The following ARL15 variants were observed in gnomAD, a reference collection of about 807,000 sequenced individuals.
The protein encoded by ARL15 is ARF like GTPase 15, also known as ADP-ribosylation factor-like protein 15.
ARL15 carries 19 observed loss-of-function variants against 25.2 expected under a neutral mutation model. That is an observed-to-expected ratio of 0.75 (90% CI 0.53 to 1.10). The LOEUF is 1.10. ARL15 is among the 50% of genes least tolerant of loss of function. The probability of loss-of-function intolerance (pLI) is 0.00; values close to 1 mark genes in which losing one functional copy is unlikely to be tolerated. For synonymous variants in ARL15, 94 were observed against 86.8 expected (o/e 1.08, Z -0.46); for missense variants, 220 against 246.0 (o/e 0.89, Z 0.71).
chr5:53,988,299 CAAAAAGAA>C (rs1197084198), intron 4 of ARL15, among the ~76,000 whole-genome samples: 11 of 103,584 alleles, frequency 1.1e-4, no homozygotes, highest in East Asian at 3.1e-4. Flanking sequence ...GAGCCTGTCT[CAAAAAGAA>C]AAAAAGAAAA....
At chr5:54,077,007 T>C (rs1215029806) in intron 4 of ARL15, among the ~76,000 whole-genome samples, 1 of 152,214 alleles carries the variant, frequency 6.6e-6, no homozygotes, top group Non-Finnish European at 1.5e-5. Context: ...TCTTCTATGC[T>C]ACGCAGGATG....
intron 1 of ARL15, among the ~76,000 whole-genome samples, chr5:54,233,844 G>T (rs112668671): frequency 4.6e-5 from 7 of 152,198 alleles, no homozygotes; most frequent in African/African-American, 1.7e-4. Flanking sequence ...CAGATTAAAT[G>T]CAGAGGCAAA....
intron 4 of ARL15, among the ~76,000 whole-genome samples, chr5:54,068,734 G>A (rs1751323885): frequency 6.6e-6 from 1 of 152,202 alleles, no homozygotes; most frequent in South Asian, 2.1e-4. Context: ...TCAGGGTCAT[G>A]CCATCTCAAT....
chr5:54,190,408 A>G (rs1411668496), intron 1 of ARL15, among the ~76,000 whole-genome samples: 31 of 151,412 alleles, frequency 2.0e-4, no homozygotes, highest in Admixed American at 2.0e-3. Context: ...AAAAAAAAAA[A>G]TTACAGTGAG....
chr5:54,243,947 A>G (rs1757022209), intron 1 of ARL15, among the ~76,000 whole-genome samples: 1 of 152,224 alleles, frequency 6.6e-6, no homozygotes, highest in Admixed American at 6.5e-5. Flanking sequence ...GTTAGGACTG[A>G]GCAAGTATGG....
chr5:53,932,990 T>C (rs191731079), intron 4 of ARL15, among the ~76,000 whole-genome samples: 91 of 152,336 alleles, frequency 6.0e-4, no homozygotes, highest in African/African-American at 2.0e-3. Flanking sequence ...AGTAATCATA[T>C]AAGCATGAAA....
chr5:53,994,589 A>G (rs1580151305), intron 4 of ARL15, among the ~76,000 whole-genome samples: 1 of 152,196 alleles, frequency 6.6e-6, no homozygotes, highest in East Asian at 1.9e-4. Flanking sequence ...GATAATGTAC[A>G]TTTAACATGA....
chr5:54,197,916 AT>A (rs1273693624), intron 1 of ARL15, among the ~76,000 whole-genome samples: 1 of 152,130 alleles, frequency 6.6e-6, no homozygotes, highest in Non-Finnish European at 1.5e-5. Flanking sequence ...GGCAAACCGA[AT>A]CCAGCAGCAT....
intron 4 of ARL15, among the ~76,000 whole-genome samples, chr5:53,978,042 T>C (rs1343010976): frequency 2.0e-5 from 3 of 152,158 alleles, no homozygotes; most frequent in Non-Finnish European, 4.4e-5. Flanking sequence ...GTGGTTTTAG[T>C]CTCCAGCTAA....
At chr5:54,177,687 T>C (rs1000985774) in intron 1 of ARL15, among the ~76,000 whole-genome samples, 1 of 152,150 alleles carries the variant, frequency 6.6e-6, no homozygotes, top group Non-Finnish European at 1.5e-5. Flanking sequence ...TAATTGTACA[T>C]TTCATTTTCC....
At chr5:53,917,014 G>C (rs1462862061) in intron 4 of ARL15, among the ~76,000 whole-genome samples, 4 of 152,190 alleles carry the variant, frequency 2.6e-5, no homozygotes, top group African/African-American at 9.7e-5. Flanking sequence ...CAATATTCTA[G>C]GGGAAGACAA....
chr5:54,132,382 C>T (rs189749698), intron 3 of ARL15, among the ~76,000 whole-genome samples: 1 of 152,108 alleles, frequency 6.6e-6, no homozygotes, highest in East Asian at 1.9e-4. Flanking sequence ...CAGTCAAAAT[C>T]TCAAGGAAAT....
intron 1 of ARL15, among the ~76,000 whole-genome samples, chr5:54,186,264 G>A (rs982865384): frequency 2.6e-5 from 4 of 152,190 alleles, no homozygotes; most frequent in Non-Finnish European, 5.9e-5. Flanking sequence ...CCAATACGGT[G>A]AGCAAAATGC....
chr5:54,186,832 A>AT (rs1398019097), intron 1 of ARL15, among the ~76,000 whole-genome samples: 3 of 151,860 alleles, frequency 2.0e-5, no homozygotes, highest in Non-Finnish European at 2.9e-5. Flanking sequence ...TTATACATTT[A>AT]ACTAGAGCTT....
Position 53,940,084 on chromosome 5 carries a change from T to C in ARL15, c.463-53371A>G, listed in dbSNP as rs995610766. 2.6e-5 allele frequency among the ~76,000 whole-genome samples: 4 copies of C among 151,796 alleles called. No homozygotes were observed. The South Asian group carries it at 6.2e-4, about 24-fold the overall frequency. The stretch of plus-strand genomic sequence containing the variant: ...AGCTCCGCCTCCCTGGTTCACGCCA[T>C]TCTCCTGCCTCAGCCTCCCGAGTAG... On this transcript the variant is annotated intron_variant, in intron 4 of 4. Transcript: ENST00000504924.
chr5:54,233,848 A>G (rs1756734724), intron 1 of ARL15, among the ~76,000 whole-genome samples: 1 of 152,242 alleles, frequency 6.6e-6, no homozygotes, highest in South Asian at 2.1e-4. Flanking sequence ...TTAAATGCAG[A>G]GGCAAATATG....
At chr5:53,981,376 C>T (rs1307372616) in intron 4 of ARL15, among the ~76,000 whole-genome samples, 1 of 152,096 alleles carries the variant, frequency 6.6e-6, no homozygotes, top group Non-Finnish European at 1.5e-5. Context: ...AGCCAGAAGG[C>T]ACCCTGAGGG....
chr5:54,039,487 A>G (rs1750265605), intron 4 of ARL15, among the ~76,000 whole-genome samples: 1 of 152,170 alleles, frequency 6.6e-6, no homozygotes, highest in Non-Finnish European at 1.5e-5. Context: ...TGACATCAGG[A>G]GAACTGTAAA....
intron 4 of ARL15, among the ~76,000 whole-genome samples, chr5:54,015,634 A>G (rs545315558): frequency 6.6e-6 from 1 of 152,302 alleles, no homozygotes; most frequent in South Asian, 2.1e-4. Context: ...GATGGTCACA[A>G]CACATTTGGT....
Sources: gnomAD v4.1 joint callset for allele counts (sites outside exome capture counted in the v4.1 genomes callset) on GRCh38, gnomAD v4.1.1 for gene constraint, MANE v1.5 for transcripts, NCBI Gene and HGNC (gene_info 2026-07-23, HGNC 2026-07-21) for gene names.